ATG10: variants seen among roughly 807,000 people sequenced by gnomAD.
ATG10 encodes ubiquitin-like-conjugating enzyme ATG10.
A neutral mutation model predicts 32.1 loss-of-function variants in ATG10; 30 were observed. That is an observed-to-expected ratio of 0.94 (90% CI 0.70 to 1.27). The LOEUF (loss-of-function observed/expected upper bound fraction) is 1.27. ATG10 is among the 50% of genes most tolerant of loss of function. The pLI is 0.00. For missense variants in ATG10, 233 were observed against 262.3 expected (o/e 0.89, Z 0.77); for synonymous variants, 87 against 91.5 (o/e 0.95, Z 0.28).
At chr5:82,059,709 C>T (rs1384542972) in intron 3 of ATG10, among the ~76,000 whole-genome samples, 3 of 152,086 alleles carry the variant, frequency 2.0e-5, no homozygotes, top group African/African-American at 7.2e-5. Flanking sequence ...TTAAATCAGG[C>T]CCATTTGCCA....
intron 3 of ATG10, among the ~76,000 whole-genome samples, chr5:82,106,748 T>C (rs1017485603): frequency 5.3e-5 from 8 of 151,984 alleles, no homozygotes; most frequent in African/African-American, 1.9e-4. Flanking sequence ...AATTAAACTA[T>C]AGTGTATGAA....
chr5:82,221,555 C>T (rs1218776788), intron 5 of ATG10, among the ~76,000 whole-genome samples: 1 of 152,106 alleles, frequency 6.6e-6, no homozygotes, highest in Non-Finnish European at 1.5e-5. Flanking sequence ...CTTGGTGTGG[C>T]CACCATCTAT....
intron 3 of ATG10, among the ~76,000 whole-genome samples, chr5:82,159,700 C>T (rs1166976092): frequency 6.6e-6 from 1 of 152,104 alleles, no homozygotes; most frequent in Admixed American, 6.6e-5. Context: ...TTACCCCTCT[C>T]CTGTATTATT....
chr5:82,181,019 C>T (rs747220007), intron 5 of ATG10, among the ~76,000 whole-genome samples: 3 of 152,096 alleles, frequency 2.0e-5, no homozygotes, highest in Admixed American at 6.6e-5. Flanking sequence ...ATAGAATTGA[C>T]GAATGTCTTT....
chr5:82,038,238 G>A (rs544858986), intron 2 of ATG10, among the ~76,000 whole-genome samples: 1 of 152,304 alleles, frequency 6.6e-6, no homozygotes, highest in African/African-American at 2.4e-5. Flanking sequence ...CTGGTGCCTG[G>A]TTCTTAATTC....
chr5:82,083,857 A>G (rs1764573130), intron 3 of ATG10, among the ~76,000 whole-genome samples: 1 of 152,172 alleles, frequency 6.6e-6, no homozygotes, highest in South Asian at 2.1e-4. Flanking sequence ...GGTAGATAAA[A>G]CCACAAAGAT....
intron 2 of ATG10, among the ~76,000 whole-genome samples, chr5:81,993,144 A>G (rs1386113408): frequency 6.6e-6 from 1 of 152,108 alleles, no homozygotes; most frequent in African/African-American, 2.4e-5. Flanking sequence ...ACCATTTACT[A>G]ACTGGATTTT....
At chr5:82,193,252 G>A (rs886150004) in intron 5 of ATG10, among the ~76,000 whole-genome samples, 38 of 152,186 alleles carry the variant, frequency 2.5e-4, no homozygotes, top group African/African-American at 8.9e-4. Context: ...TCTAGAATTG[G>A]ATAGTGTCAG....
At chr5:82,058,439 A>G in intron 2 of ATG10, 56 bp from the exon 3 acceptor site, 1 of 1,284,510 alleles carries the variant, frequency 7.8e-7, no homozygotes, top group Middle Eastern at 1.9e-4. Context: ...TCTTAAAATG[A>G]TGAATTCTTA....
At chr5:81,993,278 C>G (rs916305056) in intron 2 of ATG10, among the ~76,000 whole-genome samples, 2 of 138,488 alleles carry the variant, frequency 1.4e-5, no homozygotes, top group African/African-American at 5.1e-5. Flanking sequence ...AGAGTTTAGC[C>G]TGATTTCTTT....
intron 3 of ATG10, among the ~76,000 whole-genome samples, chr5:82,086,853 C>T (rs1335792084): frequency 2.0e-5 from 3 of 152,066 alleles, no homozygotes; most frequent in African/African-American, 4.8e-5. Context: ...CTGGATATTT[C>T]GTAAACATCA....
intron 2 of ATG10, among the ~76,000 whole-genome samples, chr5:81,991,488 C>T (rs1333541671): frequency 1.3e-5 from 2 of 152,142 alleles, no homozygotes; most frequent in Admixed American, 6.6e-5. Context: ...TCCTGCTTTC[C>T]AATGCCTCCC....
chr5:82,118,398 A>ATATT (rs1374897558), intron 3 of ATG10, among the ~76,000 whole-genome samples: 2 of 121,554 alleles, frequency 1.6e-5, no homozygotes, highest in East Asian at 4.3e-4. Context: ...ATATATATAT[A>ATATT]TATATATGTA....
chr5:82,112,514 A>C (rs1267414982), intron 3 of ATG10, among the ~76,000 whole-genome samples: 1 of 151,860 alleles, frequency 6.6e-6, no homozygotes, highest in African/African-American at 2.4e-5. Context: ...CTCATTTTCA[A>C]AATTCTATTT....
intron 5 of ATG10, among the ~76,000 whole-genome samples, chr5:82,207,181 A>C (rs1417718211): frequency 6.6e-6 from 1 of 152,210 alleles, no homozygotes; most frequent in Non-Finnish European, 1.5e-5. Flanking sequence ...TCAAGAATAG[A>C]ATTGCTGGGT....
intron 2 of ATG10, among the ~76,000 whole-genome samples, chr5:82,050,908 G>C (rs1018731378): frequency 4.2e-5 from 6 of 142,876 alleles, no homozygotes; most frequent in African/African-American, 1.3e-4. Flanking sequence ...TTACTTAAGA[G>C]ACTGAGGCAG....
At chr5:82,124,466 CAG>C (rs1417933775) in intron 3 of ATG10, among the ~76,000 whole-genome samples, 2 of 151,768 alleles carry the variant, frequency 1.3e-5, no homozygotes, top group Non-Finnish European at 2.9e-5. Flanking sequence ...CACCCCCAAA[CAG>C]GACCTGGTGT....
chr5:82,139,949 G>A (rs1767005465), intron 3 of ATG10, among the ~76,000 whole-genome samples: 1 of 128,926 alleles, frequency 7.8e-6, no homozygotes, highest in Non-Finnish European at 1.7e-5. Context: ...GGGGGGGTCA[G>A]CCCTCCGCCC....
At chr5:82,138,677 C>T (rs1288233611) in intron 3 of ATG10, among the ~76,000 whole-genome samples, 1 of 152,098 alleles carries the variant, frequency 6.6e-6, no homozygotes, top group Non-Finnish European at 1.5e-5. Flanking sequence ...GACCATCTTG[C>T]CCGGGGATCC....
Sources: allele counts gnomAD v4.1 joint callset (sites outside exome capture counted in the v4.1 genomes callset), GRCh38; gene constraint gnomAD v4.1.1; transcripts MANE v1.5; gene names NCBI Gene and HGNC (gene_info 2026-07-23, HGNC 2026-07-21).